The following CHN2 variants were observed in gnomAD, a reference collection of about 807,000 sequenced individuals.
CHN2 encodes the protein beta-chimaerin.
In CHN2, 35 loss-of-function variants were observed where a neutral mutation model predicts 56.3. The ratio of observed to expected loss-of-function variants is 0.62; its 90% CI spans 0.47 to 0.82. CHN2 has a LOEUF of 0.82. CHN2 is among the 40% of genes least tolerant of loss of function. CHN2 has a pLI of 0.00. For synonymous variants in CHN2, 210 were observed against 212.8 expected (o/e 0.99, Z 0.12); for missense variants, 491 against 580.5 (o/e 0.85, Z 1.58).
intron 1 of CHN2, among the ~76,000 whole-genome samples, chr7:29,219,841 C>T (rs143266735): frequency 3.8e-4 from 58 of 152,178 alleles, no homozygotes; most frequent in Middle Eastern, 3.4e-3. Flanking sequence ...CTTTAGGAGG[C>T]GAGGTGGGCG....
At chr7:29,498,344 G>A (rs898442755) in intron 8 of CHN2, among the ~76,000 whole-genome samples, 3 of 152,162 alleles carry the variant, frequency 2.0e-5, no homozygotes, top group South Asian at 2.1e-4. Flanking sequence ...TCTATTTAGC[G>A]CAGTTAGCCA....
chr7:29,293,545 G>T (rs368094249), intron 1 of CHN2, among the ~76,000 whole-genome samples: 82 of 152,078 alleles, frequency 5.4e-4, no homozygotes, highest in Middle Eastern at 3.4e-3. Flanking sequence ...TTTACATCAC[G>T]CTCCTCTCTC....
At chr7:29,432,239 G>A (rs921808413) in intron 6 of CHN2, among the ~76,000 whole-genome samples, 9 of 152,020 alleles carry the variant, frequency 5.9e-5, no homozygotes, top group East Asian at 1.9e-4. Context: ...CTATTCCTAC[G>A]GTGAAACATT....
intron 6 of CHN2, among the ~76,000 whole-genome samples, chr7:29,467,137 A>G (rs1785610625): frequency 6.6e-6 from 1 of 152,196 alleles, no homozygotes; most frequent in Non-Finnish European, 1.5e-5. Context: ...CTGATGTTAG[A>G]GCGTGCACAA....
intron 6 of CHN2, among the ~76,000 whole-genome samples, chr7:29,427,785 T>C (rs1321795261): frequency 6.6e-6 from 1 of 151,152 alleles, no homozygotes; most frequent in African/African-American, 2.4e-5. Context: ...GCCTCCTGAG[T>C]AGCTGGGACT....
chr7:29,303,383 T>A (rs2128879649), intron 1 of CHN2, among the ~76,000 whole-genome samples: 1 of 152,290 alleles, frequency 6.6e-6, no homozygotes, highest in South Asian at 2.1e-4. Context: ...ACCTGGGTTG[T>A]CTCAGTCATT....
intron 2 of CHN2, among the ~76,000 whole-genome samples, chr7:29,356,301 A>G (rs1203003685): frequency 1.3e-5 from 2 of 152,208 alleles, no homozygotes; most frequent in Non-Finnish European, 2.9e-5. Flanking sequence ...GTATGGATAT[A>G]TAATATATAC....
rs1783751256 is a variant in CHN2, at chr7:29,196,701, C to A, written c.49+1711C>A. Among the ~76,000 whole-genome samples the A allele has an allele frequency of 3.9e-5, 6 of 152,314 alleles. 1 individual carries two copies. In the South Asian group the frequency reaches 1.2e-3, roughly 32 times the overall value. ...GCATGAATTACAGCTGCTGTGGCAT[C>A]TGAATTTCCAGATCTTGATGTAGCT... On this transcript the variant is annotated intron_variant, in intron 1 of 12. Coordinates refer to ENST00000222792, the MANE Select transcript of CHN2 (RefSeq NM_004067.4).
intron 6 of CHN2, among the ~76,000 whole-genome samples, chr7:29,455,756 G>C (rs1410242866): frequency 6.6e-6 from 1 of 152,212 alleles, no homozygotes; most frequent in South Asian, 2.1e-4. Flanking sequence ...GGAGAGAACA[G>C]AGGATAACCT....
intron 2 of CHN2, among the ~76,000 whole-genome samples, chr7:29,150,645 A>G (rs370684830): frequency 6.6e-6 from 1 of 152,234 alleles, no homozygotes; most frequent in African/African-American, 2.4e-5. Flanking sequence ...CCAGCAAGAT[A>G]AATGTGGAGC....
In CHN2 at chr7:29,207,863, C is replaced by T. The variant is rs902662554; in HGVS notation, c.49+12873C>T. Among the ~76,000 whole-genome samples, 8 of 152,166 alleles carry T rather than the reference C, an allele frequency of 5.3e-5. No individual in the cohort carries two copies. The South Asian group carries it at 1.5e-3, about 28-fold the overall frequency. ...TTGTTAGAAAGACTTAAATTTTACA[C>T]GCTTGTAGCTGTCACAGAGGTTCTG... On this transcript the variant is annotated intron_variant, in intron 1 of 12. Transcript: ENST00000222792.
chr7:29,214,179 C>T (rs907777424), intron 1 of CHN2, among the ~76,000 whole-genome samples: 2 of 152,164 alleles, frequency 1.3e-5, no homozygotes, highest in Non-Finnish European at 2.9e-5. Context: ...AATATGGCCT[C>T]TTTTTCTGTG....
At chr7:29,504,963 C>T in intron 10 of CHN2, 142 bp downstream of exon 10, 1 of 606,240 alleles carries the variant, frequency 1.6e-6, no homozygotes, top group Admixed American at 2.9e-5. Context: ...GCTTACAAAT[C>T]TCATGTTTCT....
chr7:29,470,213 T>G (rs1201029645), intron 6 of CHN2, among the ~76,000 whole-genome samples: 1 of 152,206 alleles, frequency 6.6e-6, no homozygotes, highest in Non-Finnish European at 1.5e-5. Context: ...GTAGAGCTAG[T>G]CTTCCCAAAC....
chr7:29,460,185 G>A (rs1284179301), intron 6 of CHN2, among the ~76,000 whole-genome samples: 1 of 152,208 alleles, frequency 6.6e-6, no homozygotes, highest in Non-Finnish European at 1.5e-5. Context: ...CAATTCTAAT[G>A]TGGAATAAAA....
intron 1 of CHN2, among the ~76,000 whole-genome samples, chr7:29,352,171 T>C (rs1797931517): frequency 6.6e-6 from 1 of 152,194 alleles, no homozygotes; most frequent in African/African-American, 2.4e-5. Context: ...AACTTCATCT[T>C]CTGTCTTGAG....
At chr7:29,190,388 A>G (rs1321544858), upstream of CHN2, among the ~76,000 whole-genome samples, 1 of 152,202 alleles carries the variant, frequency 6.6e-6, no homozygotes, top group Non-Finnish European at 1.5e-5. Flanking sequence ...TAGCACAGGG[A>G]AAGGGAATGA....
intron 1 of CHN2, among the ~76,000 whole-genome samples, chr7:29,248,349 A>T (rs1356439666): frequency 6.6e-6 from 1 of 152,154 alleles, no homozygotes; most frequent in Non-Finnish European, 1.5e-5. Flanking sequence ...TCCCTTGCCA[A>T]CCTGCGACCC....
At chr7:29,152,419 A>G (rs1389903485) in intron 2 of CHN2, among the ~76,000 whole-genome samples, 1 of 152,194 alleles carries the variant, frequency 6.6e-6, no homozygotes, top group South Asian at 2.1e-4. Flanking sequence ...CTCTATTCTC[A>G]GTTCCTGGCT....
Sources: gnomAD v4.1 joint callset for allele counts (sites outside exome capture counted in the v4.1 genomes callset) on GRCh38, gnomAD v4.1.1 for gene constraint, MANE v1.5 for transcripts, NCBI Gene and HGNC (gene_info 2026-07-23, HGNC 2026-07-21) for gene names.